The following PYHIN1 variants were observed in gnomAD, a reference collection of about 807,000 sequenced individuals.
The protein encoded by PYHIN1 is pyrin and HIN domain family member 1, also known as pyrin and HIN domain-containing protein 1.
In PYHIN1, 32 loss-of-function variants were observed where a neutral mutation model predicts 43.7. The observed-to-expected ratio is 0.73, with a 90% confidence interval of 0.55 to 0.98. The LOEUF is 0.98. Ranked by LOEUF, PYHIN1 falls within the 50% of genes least tolerant of loss-of-function variation. PYHIN1 has a pLI of 0.00. For synonymous variants in PYHIN1, 205 were observed against 203.1 expected, an observed-to-expected ratio of 1.01 and a Z score of -0.08; for missense variants, 588 against 589.5, an observed-to-expected ratio of 1.00 and a Z score of 0.03.
chr1:158,970,594 G>A (rs1650878065), intron 7 of PYHIN1, among the ~76,000 whole-genome samples: 1 of 151,914 alleles, frequency 6.6e-6, no homozygotes, highest in South Asian at 2.1e-4. Context: ...TTTTATCAAT[G>A]AGATTAGACT....
chr1:158,932,495 C>A (rs950346773), intron 1 of PYHIN1, among the ~76,000 whole-genome samples: 1 of 152,064 alleles, frequency 6.6e-6, no homozygotes, highest in Admixed American at 6.5e-5. Flanking sequence ...ATGATGTGCA[C>A]AAAGTATCAG....
At chr1:158,981,316 A>G (rs2101749836), downstream of PYHIN1, among the ~76,000 whole-genome samples, 1 of 152,294 alleles carries the variant, frequency 6.6e-6, no homozygotes, top group East Asian at 1.9e-4. Context: ...CTAAAAATAC[A>G]AAAACTTAGC....
Position 158,933,611 on chromosome 1 carries a change from T to C in PYHIN1, c.-21+1835T>C, listed in dbSNP as rs1004719148. ...GTCATTTAACTAGTTAACCTCTTTA[T>C]GTATAGGCTAATAATTAACATATTT... On this transcript the variant is annotated intron_variant, in intron 1 of 8. Coordinates refer to ENST00000368140, the MANE Select transcript of PYHIN1 (RefSeq NM_152501.5). The surrounding 1 kb of genome is among the most constrained non-coding windows in gnomAD (Gnocchi z 6.3). 1.3e-5 allele frequency among the ~76,000 whole-genome samples: 2 copies of C among 152,102 alleles called. No individual in the cohort carries two copies. Among genetic ancestry groups the C allele is most frequent in the Non-Finnish European group, 2.9e-5 (2 of 67,964 alleles).
At chr1:158,947,128 A>C (rs856086) in intron 7 of PYHIN1, among the ~76,000 whole-genome samples, 146,448 of 152,286 alleles carry the variant, frequency 0.96, 70,696 homozygotes, top group East Asian at 1. Flanking sequence ...ATGACAGGTA[A>C]CTCATTGATC....
At chr1:158,955,065 A>C (rs1325277720) in intron 7 of PYHIN1, among the ~76,000 whole-genome samples, 1 of 152,172 alleles carries the variant, frequency 6.6e-6, no homozygotes, top group Middle Eastern at 3.4e-3. Flanking sequence ...TCCTAAATAT[A>C]TATGCACCCA....
intron 7 of PYHIN1, among the ~76,000 whole-genome samples, chr1:158,951,898 G>A (rs1474683663): frequency 6.6e-6 from 1 of 152,176 alleles, no homozygotes; most frequent in Admixed American, 6.5e-5. Context: ...GTAAGAGAGA[G>A]ATAACAGTGG....
intron 7 of PYHIN1, among the ~76,000 whole-genome samples, chr1:158,972,886 C>G (rs1049947121): frequency 1.3e-5 from 2 of 151,990 alleles, no homozygotes; most frequent in Non-Finnish European, 2.9e-5. Context: ...ATTTTCAACC[C>G]TGTAAGTAAT....
At chr1:158,981,562 A>G (rs1651487651), downstream of PYHIN1, among the ~76,000 whole-genome samples, 2 of 152,232 alleles carry the variant, frequency 1.3e-5, no homozygotes, top group African/African-American at 4.8e-5. Flanking sequence ...CTTTGGGTAT[A>G]TACCAGTAAT....
downstream of PYHIN1, among the ~76,000 whole-genome samples, chr1:158,978,740 T>C (rs181966317): frequency 1.3e-5 from 2 of 152,260 alleles, no homozygotes; most frequent in African/African-American, 4.8e-5. Context: ...GTAAATGAGA[T>C]AGGAAAGAAA....
At chr1:158,974,074 G>A (rs761410337) in intron 8 of PYHIN1, among the ~76,000 whole-genome samples, 2 of 151,998 alleles carry the variant, frequency 1.3e-5, no homozygotes, top group Admixed American at 6.6e-5. Flanking sequence ...CAGTATGTTC[G>A]TACCTTCTAT....
At chr1:158,937,258 C>A (rs1205761500) in intron 2 of PYHIN1, 83 bp downstream of exon 2, 11 of 1,403,188 alleles carry the variant, frequency 7.8e-6, no homozygotes, top group Non-Finnish European at 1.0e-5. Context: ...TTGGTCGTAG[C>A]TGATACATCC....
At chr1:158,947,846 A>G (rs907513993) in intron 7 of PYHIN1, among the ~76,000 whole-genome samples, 1 of 152,272 alleles carries the variant, frequency 6.6e-6, no homozygotes, top group Non-Finnish European at 1.5e-5. Flanking sequence ...GTTGGTCTTA[A>G]GACCACAGAA....
chr1:158,971,591 T>C (rs1004876383), intron 7 of PYHIN1, among the ~76,000 whole-genome samples: 1 of 151,956 alleles, frequency 6.6e-6, no homozygotes, highest in Non-Finnish European at 1.5e-5. Context: ...GATAGCAAAA[T>C]GAAGATCAGT....
intron 4 of PYHIN1, among the ~76,000 whole-genome samples, chr1:158,940,469 TTAA>T (rs1648848399): frequency 6.6e-6 from 1 of 152,092 alleles, no homozygotes; most frequent in Non-Finnish European, 1.5e-5. Context: ...TAAATTACAA[TTAA>T]TAATTGCATG....
At chr1:158,946,546 AT>A (rs1649228977) in intron 7 of PYHIN1, among the ~76,000 whole-genome samples, 1 of 127,698 alleles carries the variant, frequency 7.8e-6, no homozygotes, top group Non-Finnish European at 1.7e-5. Flanking sequence ...TAGCACAGTG[AT>A]TAGATAGATA....
chr1:158,941,000 C>A (rs1205557545), intron 4 of PYHIN1, among the ~76,000 whole-genome samples: 1 of 152,142 alleles, frequency 6.6e-6, no homozygotes, highest in Non-Finnish European at 1.5e-5. Context: ...TATTAATATT[C>A]TCATGGATGG....
At position 158,933,381 on chromosome 1, in the gene PYHIN1, G is replaced by T. The variant is rs1170652456; in HGVS notation, c.-21+1605G>T. Among the ~76,000 whole-genome samples, 1 of 151,404 alleles carries T rather than the reference G, an allele frequency of 6.6e-6. No homozygotes were observed. Among genetic ancestry groups the T allele is most frequent in the East Asian group, 1.9e-4 (1 of 5,202 alleles). On this transcript the variant is annotated intron_variant, in intron 1 of 8. Transcript: ENST00000368140. This position sits in a 1 kb window ranked among gnomAD's most constrained non-coding sequence, Gnocchi z 6.3. ...AGATAAATCTATAATTTAAATTATT[G>T]TATCTTCCCAGGAATTCAACCTTTT...
At chr1:158,988,781 G>C in the PYHIN1 span, among the ~76,000 whole-genome samples, 1 of 152,074 alleles carries the variant, frequency 6.6e-6, no homozygotes, top group Non-Finnish European at 1.5e-5. Flanking sequence ...AATTTTTTGA[G>C]AAAAATAAAT....
intron 7 of PYHIN1, among the ~76,000 whole-genome samples, chr1:158,958,135 G>A (rs1473183368): frequency 6.6e-6 from 1 of 150,668 alleles, no homozygotes; most frequent in African/African-American, 2.4e-5. Context: ...TGGAGAAATA[G>A]GAACACTTTT....
Sources: allele counts gnomAD v4.1 joint callset (sites outside exome capture counted in the v4.1 genomes callset), GRCh38; gene constraint gnomAD v4.1.1; non-coding constraint Gnocchi (gnomAD v3.1); transcripts MANE v1.5; gene names NCBI Gene and HGNC (gene_info 2026-07-23, HGNC 2026-07-21).